The following FBXW11 variants were observed in gnomAD, a reference collection of about 807,000 sequenced individuals.
FBXW11 encodes F-box and WD repeat domain containing 11, also known as F-box/WD repeat-containing protein 11.
Under a neutral mutation model 77.6 loss-of-function variants are expected in FBXW11, and 19 were observed. That is an observed-to-expected ratio of 0.24 (90% CI 0.17 to 0.36). The LOEUF is 0.36. Ranked by LOEUF, FBXW11 falls within the 10% of genes least tolerant of loss-of-function variation. The pLI, the probability that FBXW11 is intolerant of heterozygous loss-of-function variation, is 1.00. For synonymous variants in FBXW11, 235 were observed against 249.4 expected (o/e 0.94, Z 0.54); for missense variants, 334 against 704.2 (o/e 0.47, Z 5.95).
intron 4 of FBXW11, among the ~76,000 whole-genome samples, chr5:171,905,597 C>CT (rs1305447219): frequency 9.8e-6 from 1 of 102,176 alleles, no homozygotes; most frequent in Non-Finnish European, 2.5e-5. Flanking sequence ...TAACCCCCCC[C>CT]CCTTTATTTT....
chr5:171,985,004 C>T (rs1027979948), intron 1 of FBXW11, among the ~76,000 whole-genome samples: 21 of 152,174 alleles, frequency 1.4e-4, no homozygotes, highest in Admixed American at 1.4e-3. Context: ...TTTTCAGAAA[C>T]AGGACTCTCT....
At chr5:171,940,584 G>C (rs534030237) in intron 2 of FBXW11, among the ~76,000 whole-genome samples, 77 of 152,174 alleles carry the variant, frequency 5.1e-4, no homozygotes, top group Non-Finnish European at 9.7e-4. Context: ...ACAATTATGA[G>C]AACAGATCAA....
In FBXW11 at chr5:171,876,561, C is replaced by T; in HGVS notation, c.972-27G>A. The T allele has an allele frequency of 6.2e-7, 1 of 1,606,628 alleles. No individual in the cohort carries two copies. The highest frequency in any genetic ancestry group is 8.5e-7 in the Non-Finnish European group (1 of 1,174,000). On this transcript the variant is annotated intron_variant, in intron 8 of 13. Coordinates refer to ENST00000517395, the MANE Select transcript of FBXW11 (RefSeq NM_001378974.1). This position sits in a 1 kb window ranked among gnomAD's most constrained non-coding sequence, Gnocchi z 4.2. Reference sequence around the variant, plus strand: ...TAGGAGAGAAGAGAAAAGCATGATGCTTAATTATGGAGACAGCCAGGAAAT... The same window carrying T: ...TAGGAGAGAAGAGAAAAGCATGATGTTTAATTATGGAGACAGCCAGGAAAT...
intron 1 of FBXW11, among the ~76,000 whole-genome samples, chr5:171,960,031 A>C (rs1310029869): frequency 6.8e-6 from 1 of 147,570 alleles, no homozygotes; most frequent in Non-Finnish European, 1.5e-5. Context: ...TTAATAAAAG[A>C]ATACTTACAT....
intron 1 of FBXW11, among the ~76,000 whole-genome samples, chr5:171,974,541 T>C (rs1340979358): frequency 6.6e-6 from 1 of 150,974 alleles, no homozygotes; most frequent in Non-Finnish European, 1.5e-5. Flanking sequence ...CCCTTATACA[T>C]AAATTTCTTG....
chr5:171,920,106 T>C (rs1427976563), intron 2 of FBXW11, among the ~76,000 whole-genome samples: 4 of 152,050 alleles, frequency 2.6e-5, no homozygotes, highest in South Asian at 4.1e-4. Flanking sequence ...GAGGTTGCAG[T>C]GAGCGAAGAT....
intron 2 of FBXW11, among the ~76,000 whole-genome samples, chr5:171,945,683 AGTAGAAAC>A (rs888359160): frequency 4.6e-5 from 7 of 152,220 alleles, no homozygotes; most frequent in Non-Finnish European, 8.8e-5. Context: ...CACTATTGCA[AGTAGAAAC>A]GTATCACATT....
chr5:172,004,935 T>A (rs1766643516), intron 1 of FBXW11, among the ~76,000 whole-genome samples: 1 of 151,958 alleles, frequency 6.6e-6, no homozygotes, highest in Non-Finnish European at 1.5e-5. Context: ...TTTTCCCTCC[T>A]AGTTTTCAAG....
Position 171,869,342 on chromosome 5 carries a change from T to C in FBXW11, c.1530+387A>G, listed in dbSNP as rs1352903567. ...CCAAATGACTATCTCTTCAAAAATA[T>C]AACAGTACTTATAAATGGTATAAAA... is the stretch of plus-strand genomic sequence containing the variant. On this transcript the variant is annotated intron_variant, in intron 12 of 13. Coordinates refer to ENST00000517395, the MANE Select transcript of FBXW11 (RefSeq NM_001378974.1). The surrounding 1 kb of genome is among the most constrained non-coding windows in gnomAD (Gnocchi z 4.1). Among the ~76,000 whole-genome samples the C allele has an allele frequency of 1.3e-5, 2 of 152,186 alleles. No individual in the cohort carries two copies. The highest frequency in any genetic ancestry group is 2.1e-4 in the South Asian group (1 of 4,838).
At chr5:171,875,042 T>C (rs1757988035) in intron 9 of FBXW11, among the ~76,000 whole-genome samples, 1 of 152,242 alleles carries the variant, frequency 6.6e-6, no homozygotes, top group East Asian at 1.9e-4. Context: ...TCATTTGTAA[T>C]AGTCAAAAAA....
At chr5:171,990,950 C>T (rs1213826709) in intron 1 of FBXW11, among the ~76,000 whole-genome samples, 1 of 152,108 alleles carries the variant, frequency 6.6e-6, no homozygotes, top group African/African-American at 2.4e-5. Flanking sequence ...CTCAGCCTCC[C>T]AAGTAGCTGG....
chr5:171,893,207 A>C (rs1249438595), intron 6 of FBXW11, among the ~76,000 whole-genome samples: 1 of 151,946 alleles, frequency 6.6e-6, no homozygotes, highest in African/African-American at 2.4e-5. Context: ...AGTCCTGGAA[A>C]TACGGTATCT....
At chr5:171,951,097 T>TGTC (rs1186080283) in intron 2 of FBXW11, among the ~76,000 whole-genome samples, 2 of 151,892 alleles carry the variant, frequency 1.3e-5, no homozygotes, top group East Asian at 3.9e-4. Flanking sequence ...CATAATAAAA[T>TGTC]ACTGATATTC....
At chr5:172,000,218 T>TA (rs755282644) in intron 1 of FBXW11, among the ~76,000 whole-genome samples, 6 of 152,226 alleles carry the variant, frequency 3.9e-5, no homozygotes, top group Non-Finnish European at 7.3e-5. Context: ...CTGTTAAGGT[T>TA]AAAACCATCA....
intron 3 of FBXW11, 65 bp from the exon 4 acceptor site, chr5:171,910,862 A>C: frequency 8.6e-7 from 1 of 1,166,156 alleles, no homozygotes; most frequent in South Asian, 1.6e-5. Context: ...ATATTTCATT[A>C]GAAATATTTT....
intron 8 of FBXW11, 102 bp downstream of exon 8, chr5:171,877,909 A>G (rs1370875295): frequency 1.2e-6 from 1 of 855,466 alleles, no homozygotes; most frequent in Non-Finnish European, 1.9e-6. Context: ...TACAGCATGT[A>G]AAAATGTAAG....
chr5:171,966,329 A>G (rs920105195), intron 1 of FBXW11, among the ~76,000 whole-genome samples: 5 of 152,256 alleles, frequency 3.3e-5, no homozygotes, highest in Middle Eastern at 3.4e-3. Context: ...TTTATTCCTG[A>G]GGAAATCCAA....
intron 1 of FBXW11, among the ~76,000 whole-genome samples, chr5:171,990,703 G>C (rs1480571019): frequency 1.3e-5 from 2 of 152,024 alleles, no homozygotes; most frequent in African/African-American, 2.4e-5. Flanking sequence ...AAAGATAACT[G>C]AGTCATATTT....
chr5:171,886,429 G>A (rs1218269133), intron 7 of FBXW11, among the ~76,000 whole-genome samples: 1 of 149,120 alleles, frequency 6.7e-6, no homozygotes, highest in African/African-American at 2.5e-5. Context: ...TTGTGGGGTT[G>A]GGGGAGGGGG....
Sources: gnomAD v4.1 joint callset for allele counts (sites outside exome capture counted in the v4.1 genomes callset) on GRCh38, gnomAD v4.1.1 for gene constraint, Gnocchi (gnomAD v3.1) non-coding constraint, MANE v1.5 for transcripts, NCBI Gene and HGNC (gene_info 2026-07-23, HGNC 2026-07-21) for gene names.